Variants in ZNF346 observed in about 807,000 individuals in gnomAD.
ZNF346 encodes double-stranded RNA-binding zinc finger protein JAZ.
ZNF346 carries 23 observed loss-of-function variants against 33.7 expected under a neutral mutation model. The ratio of observed to expected loss-of-function variants is 0.68; its 90% CI spans 0.49 to 0.97. The LOEUF (loss-of-function observed/expected upper bound fraction) is 0.97, where lower values mean the gene tolerates loss of function less well. ZNF346 is among the 50% of genes least tolerant of loss of function. The pLI, the probability that ZNF346 is intolerant of heterozygous loss-of-function variation, is 0.00. For missense variants in ZNF346, 340 were observed against 371.1 expected, an observed-to-expected ratio of 0.92 and a Z score of 0.69; for synonymous variants, 134 against 142.4, an observed-to-expected ratio of 0.94 and a Z score of 0.42.
At position 177,066,720 on chromosome 5, in the gene ZNF346, G is replaced by A. The variant is rs1783199700; in HGVS notation, c.*2121G>A. On this transcript the variant is annotated 3_prime_UTR_variant, in exon 7 of 7. Transcript: ENST00000358149. ...TGAATAACCACTGCACTCCAGCCAG[G>A]GCAACATAACAAGACTCTATCTAAA... Among the ~76,000 whole-genome samples the A allele has an allele frequency of 1.3e-5, 2 of 151,334 alleles. No individual in the cohort carries two copies.
intron 5 of ZNF346, among the ~76,000 whole-genome samples, chr5:177,056,101 C>T (rs924747708): frequency 1.2e-4 from 17 of 137,568 alleles, no homozygotes; most frequent in Non-Finnish European, 1.9e-4. Context: ...AAAAGTTAGC[C>T]GGGCATGGTG....
At chr5:177,037,876 A>G (rs1778730587) in intron 1 of ZNF346, among the ~76,000 whole-genome samples, 3 of 152,240 alleles carry the variant, frequency 2.0e-5, no homozygotes, top group South Asian at 4.1e-4. Context: ...TTCATTCAAC[A>G]TCATCTACTA....
intron 1 of ZNF346, among the ~76,000 whole-genome samples, chr5:177,029,982 C>T (rs975452312): frequency 1.3e-5 from 2 of 152,106 alleles, no homozygotes; most frequent in South Asian, 4.2e-4. Flanking sequence ...TTAGGGGACA[C>T]CAACTGGTGT....
At chr5:177,030,143 T>C (rs978275657) in intron 1 of ZNF346, among the ~76,000 whole-genome samples, 4 of 152,214 alleles carry the variant, frequency 2.6e-5, no homozygotes, top group Non-Finnish European at 4.4e-5. Flanking sequence ...TTTTTGAATG[T>C]TTTATTTTCA....
chr5:177,047,883 C>T lies in ZNF346; in HGVS notation c.518-2868C>T, dbSNP rs1368956556. Among the ~76,000 whole-genome samples the T allele has an allele frequency of 3.9e-5, 6 of 152,238 alleles. No homozygotes were observed. The East Asian group carries it at 1.2e-3, about 29-fold the overall frequency. ...CTAACTCCTGATCTCAGGTGATTCA[C>T]CCGCTTCTGCCTCCCAAAGTGCTAG... On this transcript the variant is annotated intron_variant, in intron 4 of 6. Transcript: ENST00000358149.
chr5:177,026,924 G>C (rs1467610108), intron 1 of ZNF346, among the ~76,000 whole-genome samples: 1 of 152,120 alleles, frequency 6.6e-6, no homozygotes, highest in Non-Finnish European at 1.5e-5. Context: ...TTACCCACTT[G>C]TGGCAATAGC....
At chr5:177,037,653 A>G (rs1490268942) in intron 1 of ZNF346, among the ~76,000 whole-genome samples, 1 of 152,114 alleles carries the variant, frequency 6.6e-6, no homozygotes, top group East Asian at 1.9e-4. Context: ...CTCCATCTCC[A>G]CTGACAACCT....
At chr5:177,062,699 G>C (rs1782693071) in intron 6 of ZNF346, among the ~76,000 whole-genome samples, 1 of 152,184 alleles carries the variant, frequency 6.6e-6, no homozygotes, top group Admixed American at 6.6e-5. Context: ...GGTGAACAGA[G>C]AGTTACCTGT....
chr5:177,066,204 G>T lies in ZNF346; in HGVS notation c.*1605G>T, dbSNP rs564667923. On this transcript the variant is annotated 3_prime_UTR_variant, in exon 7 of 7. Transcript: ENST00000358149. ...TTCTCCTGCTTCTCCTGTCACATAGGGCCTCATGAAGGTCTTTAAAGGGTT... is the reference window on the plus strand; with the variant it reads ...TTCTCCTGCTTCTCCTGTCACATAGTGCCTCATGAAGGTCTTTAAAGGGTT... Among the ~76,000 whole-genome samples, 10 of 150,560 alleles carry T rather than the reference G, an allele frequency of 6.6e-5. No homozygotes were observed. Among genetic ancestry groups the T allele is most frequent in the Middle Eastern group, 3.4e-3 (1 of 294 alleles).
chr5:177,042,930 C>A (rs950043448), intron 3 of ZNF346, among the ~76,000 whole-genome samples: 2 of 152,142 alleles, frequency 1.3e-5, no homozygotes, highest in Non-Finnish European at 2.9e-5. Flanking sequence ...CAGCTCACTG[C>A]AACCTCCACC....
intron 3 of ZNF346, 55 bp downstream of exon 3, chr5:177,041,925 G>T: frequency 8.1e-7 from 1 of 1,230,380 alleles, no homozygotes. Flanking sequence ...CAGCCAGCAG[G>T]TTGGTGTGGT....
rs186649220 is a variant in ZNF346 at position 177,047,647 on chromosome 5, C to T, written c.518-3104C>T. Among the ~76,000 whole-genome samples the T allele has an allele frequency of 2.2e-3, 327 of 152,038 alleles. 2 individuals are homozygous for T. The highest frequency in any genetic ancestry group is 6.9e-3 in the African/African-American group (285 of 41,478). On this transcript the variant is annotated intron_variant, in intron 4 of 6. Transcript: ENST00000358149. Reference sequence around the variant, plus strand: ...CAGCCTCCTGAGTAGCTGGGACTACCGGCACCTGCCACCACGCCCAGTTAA... The same window carrying T: ...CAGCCTCCTGAGTAGCTGGGACTACTGGCACCTGCCACCACGCCCAGTTAA...
At chr5:177,033,563 GC>G (rs1217476467) in intron 1 of ZNF346, among the ~76,000 whole-genome samples, 1 of 152,048 alleles carries the variant, frequency 6.6e-6, no homozygotes, top group Non-Finnish European at 1.5e-5. Context: ...TCACTCTGTA[GC>G]CCAGGCTGGA....
intron 6 of ZNF346, among the ~76,000 whole-genome samples, chr5:177,062,786 C>T (rs1782702288): frequency 1.3e-5 from 2 of 152,206 alleles, no homozygotes; most frequent in Admixed American, 1.3e-4. Flanking sequence ...CAGATTTTCT[C>T]AGGTAATCCT....
chr5:177,039,817 G>A (rs1179537128), intron 1 of ZNF346, among the ~76,000 whole-genome samples: 2 of 152,098 alleles, frequency 1.3e-5, no homozygotes, highest in African/African-American at 4.8e-5. Context: ...TTAAAAATGT[G>A]GGCCTGCCCT....
chr5:177,071,698 G>A (rs66986939), downstream of ZNF346, among the ~76,000 whole-genome samples: 1,107 of 143,782 alleles, frequency 7.7e-3, 14 homozygotes, highest in African/African-American at 0.021. Flanking sequence ...AAAAAAAAAA[G>A]AAGAAGAAGA....
rs534907961 is a variant in ZNF346, at chr5:177,032,238, A to G, written c.176-8888A>G. ...AGGCTGGTTTTGACCTCCTGACCTC[A>G]GGTAATCCACCCACCTTGGCCTCCT... is the stretch of plus-strand genomic sequence containing the variant. On this transcript the variant is annotated intron_variant, in intron 1 of 6. Transcript: ENST00000358149. 6.4e-4 allele frequency among the ~76,000 whole-genome samples: 97 copies of G among 152,042 alleles called. 1 individual carries two copies. The highest frequency in any genetic ancestry group is 2.1e-3 in the African/African-American group (89 of 41,492).
intron 1 of ZNF346, among the ~76,000 whole-genome samples, chr5:177,025,248 T>G (rs1349953185): frequency 6.6e-6 from 1 of 152,218 alleles, no homozygotes; most frequent in Non-Finnish European, 1.5e-5. Context: ...CTTCATTCCT[T>G]TTTATTGCTA....
rs140510245 is a variant in ZNF346, at chr5:177,023,430, C to T, written c.175+517C>T. 3.5e-4 allele frequency among the ~76,000 whole-genome samples: 53 copies of T among 152,276 alleles called. No homozygotes were observed. In the East Asian group the frequency reaches 7.9e-3, roughly 23 times the overall value. The stretch of plus-strand genomic sequence containing the variant: ...GGCTTACCCGTTTTTAGCTCTCTGG[C>T]CTCTACTTGCTGGGTCCCTTATTCT... On this transcript the variant is annotated intron_variant, in intron 1 of 6. Coordinates refer to ENST00000358149, the MANE Select transcript of ZNF346 (RefSeq NM_012279.4).
Sources: gnomAD v4.1 joint callset for allele counts (sites outside exome capture counted in the v4.1 genomes callset) on GRCh38, gnomAD v4.1.1 for gene constraint, MANE v1.5 for transcripts, NCBI Gene and HGNC (gene_info 2026-07-23, HGNC 2026-07-21) for gene names.